WWOX: variants seen among roughly 807,000 people sequenced by gnomAD.
The protein encoded by WWOX is WW domain-containing oxidoreductase.
WWOX carries 69 observed loss-of-function variants against 46.2 expected under a neutral mutation model. That is an observed-to-expected ratio of 1.49 (90% CI 1.23 to 1.82). The LOEUF is 1.82. Ranked by LOEUF, WWOX falls within the 40% of genes most tolerant of loss-of-function variation. The pLI, the probability that WWOX is intolerant of heterozygous loss-of-function variation, is 0.00. For synonymous variants in WWOX, 359 were observed against 202.6 expected (o/e 1.77, Z -6.56); for missense variants, 919 against 542.6 (o/e 1.69, Z -6.89).
chr16:79,133,337 GT>G (rs2049919394), intron 8 of WWOX, among the ~76,000 whole-genome samples: 1 of 152,036 alleles, frequency 6.6e-6, no homozygotes, highest in South Asian at 2.1e-4. Context: ...CAAATTTGAG[GT>G]CCCCCTCAAC....
intron 8 of WWOX, chr16:78,898,964 C>G (rs1011994449): frequency 2.6e-5 from 4 of 152,040 alleles, no homozygotes; most frequent in African/African-American, 4.8e-5. Context: ...GCTCTCATAT[C>G]CTGTGATCTT....
At chr16:78,819,533 A>G (rs1379240803) in intron 8 of WWOX, among the ~76,000 whole-genome samples, 1 of 152,224 alleles carries the variant, frequency 6.6e-6, no homozygotes, top group Non-Finnish European at 1.5e-5. Flanking sequence ...ATGGGTGTAA[A>G]TGTGATGGCA....
chr16:79,124,795 A>C (rs2049715499), intron 8 of WWOX, among the ~76,000 whole-genome samples: 1 of 152,228 alleles, frequency 6.6e-6, no homozygotes, highest in African/African-American at 2.4e-5. Flanking sequence ...TGCAAGCTTT[A>C]TAAAAGTATA....
intron 8 of WWOX, among the ~76,000 whole-genome samples, chr16:79,159,403 A>T (rs899853172): frequency 6.6e-6 from 1 of 152,192 alleles, no homozygotes; most frequent in Non-Finnish European, 1.5e-5. Flanking sequence ...TTCTAATGCA[A>T]TTTGCCTCTC....
intron 8 of WWOX, among the ~76,000 whole-genome samples, chr16:78,678,268 C>G (rs1171075003): frequency 2.0e-5 from 3 of 152,146 alleles, no homozygotes; most frequent in African/African-American, 7.2e-5. Context: ...CCTGGCTACT[C>G]AGGAGGCTGA....
At chr16:78,301,103 A>T (rs1018792029) in intron 5 of WWOX, among the ~76,000 whole-genome samples, 1 of 152,206 alleles carries the variant, frequency 6.6e-6, no homozygotes, top group East Asian at 1.9e-4. Flanking sequence ...TTTGGCTGGC[A>T]TCTCCTAAAA....
chr16:78,347,689 A>G (rs1597073783), intron 5 of WWOX, among the ~76,000 whole-genome samples: 1 of 122,222 alleles, frequency 8.2e-6, no homozygotes, highest in Non-Finnish European at 2.0e-5. Context: ...TTGCATTACT[A>G]TCTTATTAAA....
intron 8 of WWOX, among the ~76,000 whole-genome samples, chr16:78,698,519 TGAG>T (rs1335696785): frequency 6.6e-6 from 1 of 152,240 alleles, no homozygotes; most frequent in East Asian, 1.9e-4. Context: ...GCAGTCGTTT[TGAG>T]GAGATCTAGA....
intron 8 of WWOX, among the ~76,000 whole-genome samples, chr16:78,636,234 A>C (rs1431896827): frequency 6.6e-6 from 1 of 152,180 alleles, no homozygotes; most frequent in Non-Finnish European, 1.5e-5. Flanking sequence ...TGATAGTCCC[A>C]AATGCAAGGG....
At chr16:78,333,042 A>ACTT (rs2080797501) in intron 5 of WWOX, among the ~76,000 whole-genome samples, 3 of 62,176 alleles carry the variant, frequency 4.8e-5, no homozygotes, top group Non-Finnish European at 1.1e-4. Flanking sequence ...AGAGCATTAT[A>ACTT]CTTTTTTTTT....
intron 8 of WWOX, among the ~76,000 whole-genome samples, chr16:78,737,901 C>T (rs2049127537): frequency 1.3e-5 from 2 of 152,206 alleles, no homozygotes; most frequent in South Asian, 4.2e-4. Flanking sequence ...CATGAGTTCC[C>T]AGTCAGTCAT....
chr16:78,537,080 C>T lies in WWOX; in HGVS notation c.1056+104328C>T, dbSNP rs191407505. On this transcript the variant is annotated intron_variant, in intron 8 of 8. Transcript: ENST00000566780. ...TACAGGCATGTACCACCACACTCAG[C>T]TAATATTTGTATTTTTAGTAGAGGC... Among the ~76,000 whole-genome samples the T allele has an allele frequency of 2.6e-5, 4 of 152,078 alleles. No homozygotes were observed. In the East Asian group the frequency reaches 7.8e-4, roughly 30 times the overall value.
rs115127699 is a variant in WWOX at position 78,613,365 on chromosome 16, T to A, written c.1056+180613T>A. ...TGTCCCCATGCTGTGTCGCACTTGGTCATCTGGACCCTGGGGTTGCCTGAG... is the reference window on the plus strand; with the variant it reads ...TGTCCCCATGCTGTGTCGCACTTGGACATCTGGACCCTGGGGTTGCCTGAG... On this transcript the variant is annotated intron_variant, in intron 8 of 8. Transcript: ENST00000566780. Among the ~76,000 whole-genome samples, 410 of 152,260 alleles carry A rather than the reference T, an allele frequency of 2.7e-3. 2 individuals carry two copies. Among genetic ancestry groups the A allele is most frequent in the African/African-American group, 9.3e-3 (387 of 41,554 alleles).
chr16:78,856,540 G>A (rs546507536), intron 8 of WWOX, among the ~76,000 whole-genome samples: 78 of 152,232 alleles, frequency 5.1e-4, no homozygotes, highest in African/African-American at 1.6e-3. Flanking sequence ...CTACTCAGGA[G>A]TCTGAGGCAG....
intron 8 of WWOX, chr16:78,996,311 G>A: frequency 3.1e-6 from 3 of 982,572 alleles, no homozygotes; most frequent in Non-Finnish European, 3.6e-6. Context: ...CCTTGTGGAT[G>A]TTTTTCTACC....
rs1567553299 is a variant in WWOX at position 78,406,309 on chromosome 16, T to TAC, written c.606-18560_606-18559insCA. ...ATTACAGCATATAAATATAAATATA[T>TAC]ATATATATATATATATATATATATA... is the stretch of plus-strand genomic sequence containing the variant. On this transcript the variant is annotated intron_variant, in intron 6 of 8. Coordinates refer to ENST00000566780, the MANE Select transcript of WWOX (RefSeq NM_016373.4). Among the ~76,000 whole-genome samples, 32 of 24,896 alleles carry TAC rather than the reference T, an allele frequency of 1.3e-3. No homozygotes were observed. In the East Asian group the frequency reaches 0.014, roughly 11 times the overall value. 16.3% of individuals were successfully genotyped at this position (24,896 alleles called of 152,430 possible).
chr16:78,905,954 C>G (rs1350466226), intron 8 of WWOX, among the ~76,000 whole-genome samples: 1 of 152,102 alleles, frequency 6.6e-6, no homozygotes, highest in Non-Finnish European at 1.5e-5. Context: ...GACCCAAGAG[C>G]TAAAAGGGAG....
intron 5 of WWOX, among the ~76,000 whole-genome samples, chr16:78,304,475 C>G (rs1292303168): frequency 6.6e-6 from 1 of 152,204 alleles, no homozygotes; most frequent in African/African-American, 2.4e-5. Flanking sequence ...TCTGCAAACT[C>G]CAGCACACCC....
At chr16:78,990,898 T>A (rs2046874776) in intron 8 of WWOX, among the ~76,000 whole-genome samples, 1 of 152,164 alleles carries the variant, frequency 6.6e-6, no homozygotes, top group Non-Finnish European at 1.5e-5. Flanking sequence ...ACAGCATGAG[T>A]GATTTTTCCC....
Sources: allele counts gnomAD v4.1 joint callset (sites outside exome capture counted in the v4.1 genomes callset), GRCh38; gene constraint gnomAD v4.1.1; transcripts MANE v1.5; gene names NCBI Gene and HGNC (gene_info 2026-07-23, HGNC 2026-07-21).